Variants in LRCH1 observed in about 807,000 individuals in gnomAD.
LRCH1 encodes leucine-rich repeat and calponin homology domain-containing protein 1.
Under a neutral mutation model 94.9 loss-of-function variants are expected in LRCH1, and 23 were observed. The observed-to-expected ratio is 0.24, with a 90% confidence interval of 0.17 to 0.34. The LOEUF (loss-of-function observed/expected upper bound fraction) is 0.34, where lower values mean the gene tolerates loss of function less well. Ranked by LOEUF, LRCH1 falls within the 10% of genes least tolerant of loss-of-function variation. The pLI is 1.00. For missense variants in LRCH1, 790 were observed against 945.9 expected (o/e 0.84, Z 2.16); for synonymous variants, 364 against 354.9 (o/e 1.03, Z -0.29).
chr13:46,640,327 T>A (rs1376053677), intron 1 of LRCH1, among the ~76,000 whole-genome samples: 1 of 152,248 alleles, frequency 6.6e-6, no homozygotes, highest in Admixed American at 6.5e-5. Flanking sequence ...GTCCTTTCAC[T>A]AATTCAATGG....
Position 46,553,205 on chromosome 13 carries a change from A to C in LRCH1, c.-192A>C, listed in dbSNP as rs2050017711. The C allele has an allele frequency of 1.7e-6, 1 of 571,706 alleles. No individual in the cohort carries two copies. Among genetic ancestry groups the C allele is most frequent in the South Asian group, 2.0e-5 (1 of 51,000 alleles). The allele number at this position is 571,706 out of a possible 1,614,324, so 35.4% of individuals were successfully genotyped here. ...GCTTCCCGGGGACAGGAAACCTTCAAGACCGAGCTGCCACGGCCGCCTCCC... is the reference window on the plus strand; with the variant it reads ...GCTTCCCGGGGACAGGAAACCTTCACGACCGAGCTGCCACGGCCGCCTCCC... On this transcript the variant is annotated 5_prime_UTR_variant, in exon 1 of 20. Transcript: ENST00000389797.
At position 46,582,633 on chromosome 13, in the gene LRCH1, C is replaced by A. The variant is rs1370359882; in HGVS notation, c.307+28930C>A. ...CTGAGTGGCTGGGACCACAGGCACGCACCACCATGCCCAGCTTTTTTTTTT... is the reference window on the plus strand; with the variant it reads ...CTGAGTGGCTGGGACCACAGGCACGAACCACCATGCCCAGCTTTTTTTTTT... On this transcript the variant is annotated intron_variant, in intron 1 of 19. Transcript: ENST00000389797. 3.0e-5 allele frequency among the ~76,000 whole-genome samples: 3 copies of A among 100,912 alleles called. No homozygotes were observed. In the South Asian group the frequency reaches 9.4e-4, roughly 32 times the overall value. The allele number at this position is 100,912 out of a possible 152,430, so 66.2% of individuals were successfully genotyped here. A position where few individuals can be genotyped will look rare whatever the true frequency, so the allele number is the denominator to read the frequency against.
chr13:46,559,568 C>T (rs2050107491), intron 1 of LRCH1, among the ~76,000 whole-genome samples: 1 of 152,250 alleles, frequency 6.6e-6, no homozygotes, highest in African/African-American at 2.4e-5. Flanking sequence ...CAAAAACAGT[C>T]TCCACAAACC....
chr13:46,713,088 C>T (rs1872154926), intron 15 of LRCH1, among the ~76,000 whole-genome samples: 1 of 152,092 alleles, frequency 6.6e-6, no homozygotes, highest in South Asian at 2.1e-4. Context: ...TTTAAAAAGT[C>T]TTTTGAGAAA....
intron 1 of LRCH1, among the ~76,000 whole-genome samples, chr13:46,570,348 G>C (rs1312998145): frequency 6.6e-6 from 1 of 152,200 alleles, no homozygotes; most frequent in Non-Finnish European, 1.5e-5. Context: ...TTGGCATCGA[G>C]ATGGTTTAGC....
intron 16 of LRCH1, among the ~76,000 whole-genome samples, chr13:46,722,823 A>G (rs922675776): frequency 6.6e-6 from 1 of 152,270 alleles, no homozygotes; most frequent in Non-Finnish European, 1.5e-5. Flanking sequence ...AATACATACA[A>G]CAATTCTAGA....
chr13:46,666,766 TTC>T (rs1049742405), intron 2 of LRCH1, among the ~76,000 whole-genome samples: 69 of 152,236 alleles, frequency 4.5e-4, no homozygotes, highest in African/African-American at 1.4e-3. Context: ...ATAAACTGAG[TTC>T]TCTTTTCTGA....
chr13:46,621,970 A>G (rs1031434490), intron 1 of LRCH1, among the ~76,000 whole-genome samples: 3 of 152,176 alleles, frequency 2.0e-5, no homozygotes, highest in Non-Finnish European at 4.4e-5. Flanking sequence ...CAGGCTTATT[A>G]TGTCTGTGTT....
chr13:46,591,008 A>G (rs1463686045), intron 1 of LRCH1, among the ~76,000 whole-genome samples: 1 of 151,008 alleles, frequency 6.6e-6, no homozygotes, highest in Non-Finnish European at 1.5e-5. Flanking sequence ...TCTGCGAGCT[A>G]TACACCTGTG....
intron 17 of LRCH1, among the ~76,000 whole-genome samples, chr13:46,725,405 ATCT>A (rs1251192677): frequency 6.6e-6 from 1 of 152,198 alleles, no homozygotes; most frequent in Non-Finnish European, 1.5e-5. Context: ...TCGATGTTAA[ATCT>A]TCTTTCATCA....
chr13:46,667,373 A>C (rs1046006493), intron 2 of LRCH1, among the ~76,000 whole-genome samples: 1 of 152,098 alleles, frequency 6.6e-6, no homozygotes, highest in African/African-American at 2.4e-5. Context: ...AGGAGAGTCA[A>C]ACTTCTAATT....
At chr13:46,554,145 A>T (rs2137886363) in intron 1 of LRCH1, among the ~76,000 whole-genome samples, 1 of 152,346 alleles carries the variant, frequency 6.6e-6, no homozygotes, top group East Asian at 1.9e-4. Flanking sequence ...CAACCAGTTC[A>T]AGCCGTCTTT....
At chr13:46,714,689 A>G (rs1270160275) in intron 15 of LRCH1, among the ~76,000 whole-genome samples, 2 of 152,200 alleles carry the variant, frequency 1.3e-5, no homozygotes, top group African/African-American at 2.4e-5. Flanking sequence ...AACTATATCC[A>G]TTTATTTTAC....
chr13:46,703,759 CTT>C (rs1871609256), intron 11 of LRCH1, among the ~76,000 whole-genome samples: 1 of 151,808 alleles, frequency 6.6e-6, no homozygotes, highest in Admixed American at 6.6e-5. Context: ...AAGTATATAA[CTT>C]TTTTAAAGTA....
intron 1 of LRCH1, among the ~76,000 whole-genome samples, chr13:46,582,355 A>C (rs1293187024): frequency 7.2e-6 from 1 of 138,288 alleles, no homozygotes; most frequent in East Asian, 2.2e-4. Flanking sequence ...ATGGAAGAAC[A>C]ACCGTTGCTC....
intron 19 of LRCH1, among the ~76,000 whole-genome samples, chr13:46,736,438 A>G (rs1309133494): frequency 6.6e-6 from 1 of 151,990 alleles, no homozygotes; most frequent in Non-Finnish European, 1.5e-5. Context: ...TCCCCACCCC[A>G]CCTTAGATAT....
chr13:46,713,449 G>A (rs1872171637), intron 15 of LRCH1, among the ~76,000 whole-genome samples: 1 of 152,208 alleles, frequency 6.6e-6, no homozygotes, highest in Admixed American at 6.5e-5. Context: ...GGTTATACAT[G>A]TGTATATTTT....
chr13:46,732,545 T>C lies in LRCH1; in HGVS notation c.2008-1376T>C, dbSNP rs571128677. ...TCCATTAACTTCTTTGGGGCTGACC[T>C]AAGTATTTGGAATGATGTTGGGCGT... On this transcript the variant is annotated intron_variant, in intron 18 of 19. Transcript: ENST00000389797. Among the ~76,000 whole-genome samples the C allele has an allele frequency of 2.0e-5, 3 of 152,326 alleles. 1 individual carries two copies. The South Asian group carries it at 6.2e-4, about 32-fold the overall frequency.
intron 13 of LRCH1, among the ~76,000 whole-genome samples, chr13:46,710,371 A>G (rs1359895378): frequency 6.6e-6 from 1 of 152,178 alleles, no homozygotes; most frequent in Admixed American, 6.5e-5. Context: ...CCACACGGAA[A>G]GGGGAGGCCA....
Sources: gnomAD v4.1 joint callset for allele counts (sites outside exome capture counted in the v4.1 genomes callset) on GRCh38, gnomAD v4.1.1 for gene constraint, MANE v1.5 for transcripts, NCBI Gene and HGNC (gene_info 2026-07-23, HGNC 2026-07-21) for gene names.